Variants in DNMT3A observed in about 807,000 individuals in gnomAD.
The protein encoded by DNMT3A is DNA methyltransferase 3 alpha.
A neutral mutation model predicts 117.6 loss-of-function variants in DNMT3A; 267 were observed. That is an observed-to-expected ratio of 2.27 (90% CI 2.05 to 2.51). The LOEUF is 2.51. DNMT3A is among the 30% of genes most tolerant of loss of function. DNMT3A has a pLI of 0.00. For missense variants in DNMT3A, 1,029 were observed against 1,260.2 expected (o/e 0.82, Z 2.78); for synonymous variants, 432 against 474.8 (o/e 0.91, Z 1.17).
intron 1 of DNMT3A, among the ~76,000 whole-genome samples, chr2:25,340,230 G>A (rs1185541189): frequency 6.6e-6 from 1 of 152,116 alleles, no homozygotes; most frequent in East Asian, 1.9e-4. Context: ...CCCCTCAGGA[G>A]CCGGGGGAGG....
Position 25,236,808 on chromosome 2 carries a change from G to T in DNMT3A, c.2478+128C>A. On this transcript the variant is annotated intron_variant, in intron 21 of 22. Transcript: ENST00000321117. The surrounding 1 kb of genome is among the most constrained non-coding windows in gnomAD (Gnocchi z 4.5). ...CTGCCCTGCTGCATGACCCTGCACCGTCTCCTAAATTGCATTCTCCACACT... is the reference window on the plus strand; with the variant it reads ...CTGCCCTGCTGCATGACCCTGCACCTTCTCCTAAATTGCATTCTCCACACT... The T allele has an allele frequency of 1.0e-6, 1 of 993,084 alleles. No individual in the cohort carries two copies. The highest frequency in any genetic ancestry group is 1.7e-5 in the South Asian group (1 of 59,108). The allele number at this position is 993,084 out of a possible 1,614,324, so 61.5% of individuals were successfully genotyped here.
chr2:25,320,892 G>A (rs2034568069), intron 1 of DNMT3A, among the ~76,000 whole-genome samples: 2 of 152,192 alleles, frequency 1.3e-5, no homozygotes, highest in Admixed American at 6.5e-5. Context: ...AGCACTTTGG[G>A]AGGCCGAGGA....
chr2:25,246,898 G>A (rs1369354811), intron 9 of DNMT3A, 122 bp from the exon 10 acceptor site: 1 of 1,511,114 alleles, frequency 6.6e-7, no homozygotes. Flanking sequence ...AACCGCTGAG[G>A]AGGAGCGGGA....
intron 1 of DNMT3A, among the ~76,000 whole-genome samples, chr2:25,323,576 G>A (rs2034679627): frequency 6.6e-6 from 1 of 152,212 alleles, no homozygotes; most frequent in Non-Finnish European, 1.5e-5. Flanking sequence ...CAGCGCTGCT[G>A]TGAAAATTAA....
At chr2:25,313,814 G>A in intron 2 of DNMT3A, 99 bp downstream of exon 2, 1 of 1,497,012 alleles carries the variant, frequency 6.7e-7, no homozygotes, top group Admixed American at 2.0e-5. Context: ...ACTGAGTGAT[G>A]CGGTCATGCA....
In DNMT3A at chr2:25,262,104, C is replaced by T. The variant is rs187614431; in HGVS notation, c.639+12837G>A. On this transcript the variant is annotated intron_variant, in intron 6 of 22. Coordinates refer to ENST00000321117, the MANE Select transcript of DNMT3A (RefSeq NM_022552.5). ...ACTCGGGAGGCTGAGGCAGGAGAAT[C>T]ACTTGAACCAGGGAGTCAAGGGTTG... Among the ~76,000 whole-genome samples, 3 of 150,202 alleles carry T rather than the reference C, an allele frequency of 2.0e-5. No homozygotes were observed. The East Asian group carries it at 5.9e-4, about 30-fold the overall frequency.
chr2:25,303,869 T>C (rs2033649536), intron 2 of DNMT3A, among the ~76,000 whole-genome samples: 1 of 152,242 alleles, frequency 6.6e-6, no homozygotes, highest in Non-Finnish European at 1.5e-5. Context: ...TGCCCCTCAA[T>C]GGCTCCAAGG....
chr2:25,328,960 C>G (rs2034903254), intron 1 of DNMT3A, among the ~76,000 whole-genome samples: 1 of 152,144 alleles, frequency 6.6e-6, no homozygotes. Flanking sequence ...TGGCCACAGT[C>G]CCCCAACCCC....
At position 25,236,707 on chromosome 2, in the gene DNMT3A, G is replaced by A. The variant is rs748882946; in HGVS notation, c.2478+229C>T. Among the ~76,000 whole-genome samples the A allele has an allele frequency of 1.3e-5, 2 of 152,228 alleles. No homozygotes were observed. Among genetic ancestry groups the A allele is most frequent in the African/African-American group, 2.4e-5 (1 of 41,460 alleles). ...ACCAGGTCTTGGTAAAGACTCCTCA[G>A]TGTCTACCGGGGGTGATGGGCGACA... is the stretch of plus-strand genomic sequence containing the variant. On this transcript the variant is annotated intron_variant, in intron 21 of 22. Transcript: ENST00000321117. This position sits in a 1 kb window ranked among gnomAD's most constrained non-coding sequence, Gnocchi z 4.5.
chr2:25,330,610 C>A (rs1182013917), intron 1 of DNMT3A, among the ~76,000 whole-genome samples: 1 of 152,234 alleles, frequency 6.6e-6, no homozygotes, highest in Non-Finnish European at 1.5e-5. Flanking sequence ...GCAGCCTAGC[C>A]CATGTCCAGG....
chr2:25,313,865 C>T, intron 2 of DNMT3A, 48 bp downstream of exon 2: 1 of 1,548,518 alleles, frequency 6.5e-7, no homozygotes, highest in Non-Finnish European at 8.7e-7. Context: ...AGGGACAGGG[C>T]TCTCCCTCTC....
chr2:25,275,111 G>C (rs2031285699), intron 5 of DNMT3A, 24 bp from the exon 6 acceptor site: 1 of 1,546,072 alleles, frequency 6.5e-7, no homozygotes, highest in Middle Eastern at 1.7e-4. Flanking sequence ...ACAGACATTA[G>C]GGCATTAGGG....
chr2:25,309,768 G>A (rs1255700915), intron 2 of DNMT3A, among the ~76,000 whole-genome samples: 4 of 152,152 alleles, frequency 2.6e-5, no homozygotes, highest in African/African-American at 9.7e-5. Flanking sequence ...AATTAAATAA[G>A]ATAGGCCCGG....
rs1031617637 is a variant in DNMT3A, at chr2:25,296,476, T to A, written c.177+3663A>T. ...AGATGGTGAGGGGCTGGAATTCAGA[T>A]CTTGTCCCCTAAAAAATGGAGTCCC... On this transcript the variant is annotated intron_variant, in intron 3 of 22. Coordinates refer to ENST00000321117, the MANE Select transcript of DNMT3A (RefSeq NM_022552.5). This position sits in a 1 kb window ranked among gnomAD's most constrained non-coding sequence, Gnocchi z 4.2. 6.6e-6 allele frequency among the ~76,000 whole-genome samples: 1 copy of A among 152,122 alleles called. No homozygotes were observed. The highest frequency in any genetic ancestry group is 1.5e-5 in the Non-Finnish European group (1 of 68,012).
chr2:25,336,937 T>C (rs2035238746), intron 1 of DNMT3A, among the ~76,000 whole-genome samples: 1 of 152,180 alleles, frequency 6.6e-6, no homozygotes, highest in South Asian at 2.1e-4. Context: ...TTGAGCACTT[T>C]ATTTCTCCCT....
intron 6 of DNMT3A, among the ~76,000 whole-genome samples, chr2:25,251,167 GGT>G (rs1675501833): frequency 7.3e-6 from 1 of 136,550 alleles, no homozygotes; most frequent in African/African-American, 2.8e-5. Context: ...GGGGGGGGTG[GGT>G]GAGCAGCAGG....
At position 25,254,330 on chromosome 2, in the gene DNMT3A, C is replaced by T. The variant is rs986544830; in HGVS notation, c.640-6078G>A. 1.3e-5 allele frequency among the ~76,000 whole-genome samples: 2 copies of T among 151,908 alleles called. No individual in the cohort carries two copies. Among genetic ancestry groups the T allele is most frequent in the East Asian group, 3.9e-4 (2 of 5,176 alleles). On this transcript the variant is annotated intron_variant, in intron 6 of 22. Coordinates refer to ENST00000321117, the MANE Select transcript of DNMT3A (RefSeq NM_022552.5). The surrounding 1 kb of genome is among the most constrained non-coding windows in gnomAD (Gnocchi z 4.7). ...CGAGATGTGCAGTGAGGGAGCCCCC[C>T]CTCCCCCTGAGGGCCATCAGAGCAA...
rs573393957 is a variant in DNMT3A at position 25,252,237 on chromosome 2, G to A, written c.640-3985C>T. On this transcript the variant is annotated intron_variant, in intron 6 of 22. Transcript: ENST00000321117. The surrounding 1 kb of genome is among the most constrained non-coding windows in gnomAD (Gnocchi z 5.5). ...CCCCTCTGCAGTCGCGCTCAGGTGT[G>A]AGCCGCGGCCCTGAAGCTCTGGAAG... The A allele has an allele frequency of 5.9e-5, 90 of 1,530,706 alleles. No individual in the cohort carries two copies. Among genetic ancestry groups the A allele is most frequent in the Non-Finnish European group, 7.5e-5 (85 of 1,139,154 alleles). 94.8% of individuals were successfully genotyped at this position (1,530,706 alleles called of 1,614,324 possible). A position where few individuals can be genotyped will look rare whatever the true frequency, so the allele number is the denominator to read the frequency against.
rs1047140622 is a variant in DNMT3A at position 25,298,028 on chromosome 2, G to A, written c.177+2111C>T. ...CTGAAGAGGAAAGGTTTGGCCAGGC[G>A]GGGGCAGGCCCGACCTTTGCTGAGG... is the stretch of plus-strand genomic sequence containing the variant. On this transcript the variant is annotated intron_variant, in intron 3 of 22. Coordinates refer to ENST00000321117, the MANE Select transcript of DNMT3A (RefSeq NM_022552.5). The surrounding 1 kb of genome is among the most constrained non-coding windows in gnomAD (Gnocchi z 4.3). 7.9e-5 allele frequency among the ~76,000 whole-genome samples: 12 copies of A among 152,230 alleles called. No individual in the cohort carries two copies. In the South Asian group the frequency reaches 1.2e-3, roughly 16 times the overall value.
Sources: allele counts gnomAD v4.1 joint callset (sites outside exome capture counted in the v4.1 genomes callset), GRCh38; gene constraint gnomAD v4.1.1; non-coding constraint Gnocchi (gnomAD v3.1); transcripts MANE v1.5; gene names NCBI Gene and HGNC (gene_info 2026-07-23, HGNC 2026-07-21).